Variants in CYP2C8 observed in about 807,000 individuals in gnomAD.
CYP2C8 encodes the protein cytochrome P450 2C8.
Under a neutral mutation model 41.3 loss-of-function variants are expected in CYP2C8, and 51 were observed. That is an observed-to-expected ratio of 1.24 (90% CI 0.99 to 1.56). CYP2C8 has a LOEUF of 1.56. Among genes scored for constraint, CYP2C8 ranks in the 40% most tolerant of loss-of-function variants. CYP2C8 has a pLI of 0.00. For missense variants in CYP2C8, 651 were observed against 579.9 expected (o/e 1.12, Z -1.26); for synonymous variants, 218 against 205.8 (o/e 1.06, Z -0.51).
rs774148619 is a variant in CYP2C8 at position 95,045,837 on chromosome 10, G to T, written c.934C>A (p.Leu312Ile). The T allele has an allele frequency of 4.1e-5, 66 of 1,613,914 alleles. No homozygotes were observed. Among genetic ancestry groups the T allele is most frequent in the Non-Finnish European group, 5.3e-5 (63 of 1,179,920 alleles). Residue 312 changes from leucine to isoleucine, a missense_variant, in exon 6 of 9, where the codon CTC (leucine) becomes ATC (isoleucine). Coordinates refer to ENST00000371270, the MANE Select transcript of CYP2C8 (RefSeq NM_000770.3). ...TSTTLRYGLL[L>I]LLKHPEVTAK... is the part of the protein sequence containing the mutation. ...GTGACCTCTGGGTGCTTCAGCAGGAGCAGGAGTCCATATCTCAGAGTGGTG... is the reference window on the plus strand; with the variant it reads ...GTGACCTCTGGGTGCTTCAGCAGGATCAGGAGTCCATATCTCAGAGTGGTG...
chr10:95,045,221 G>A (rs1891072), intron 6 of CYP2C8, among the ~76,000 whole-genome samples: 105,076 of 152,082 alleles, frequency 0.69, 37,077 homozygotes, highest in Middle Eastern at 0.84. Flanking sequence ...CCTTCCAAAT[G>A]TCCCTATTTG....
Position 95,064,856 on chromosome 10 carries a change from T to C in CYP2C8, c.586A>G (p.Thr196Ala). 1 of 1,613,966 alleles carries C rather than the reference T, an allele frequency of 6.2e-7. No homozygotes were observed. The highest frequency in any genetic ancestry group is 1.7e-5 in the Admixed American group (1 of 60,006). The change falls in exon 4 of 9, where the codon ACC becomes GCC. Residue 196 changes from threonine to alanine, a missense_variant. Coordinates refer to ENST00000371270, the MANE Select transcript of CYP2C8 (RefSeq NM_000770.3). The stretch of plus-strand genomic sequence containing the variant: ...TTTTCATTGAATCTTTTCATCAGGG[T>C]GAGAAAATTCTGATCTTTATAATCA... ...RFDYKDQNFL[T>A]LMKRFNENFR...
In CYP2C8 at chr10:95,063,159, G is replaced by C. The variant is rs1007347512; in HGVS notation, c.642+1641C>G. Among the ~76,000 whole-genome samples, 4 of 152,248 alleles carry C rather than the reference G, an allele frequency of 2.6e-5. No individual in the cohort carries two copies. The South Asian group carries it at 8.3e-4, about 32-fold the overall frequency. On this transcript the variant is annotated intron_variant, in intron 4 of 8. Transcript: ENST00000371270. ...AAGGAGTATCTTTGTGGCGTTCTCT[G>C]TATTTCCTGAATTTGAATGTTAGCC...
chr10:95,065,882 G>A (rs2033550551), intron 3 of CYP2C8, among the ~76,000 whole-genome samples: 1 of 152,102 alleles, frequency 6.6e-6, no homozygotes, highest in Non-Finnish European at 1.5e-5. Flanking sequence ...TGAAATTGCT[G>A]TAACCAAGTG....
chr10:95,061,423 T>C lies in CYP2C8; in HGVS notation c.643-2912A>G, dbSNP rs544496998. On this transcript the variant is annotated intron_variant, in intron 4 of 8. Transcript: ENST00000371270. The stretch of plus-strand genomic sequence containing the variant: ...ATTTCTTCTAGATTTTCTAATTTAC[T>C]TGTGTAGAGGTGTTTATAGTATGCT... Among the ~76,000 whole-genome samples the C allele has an allele frequency of 1.6e-4, 25 of 152,346 alleles. 1 individual carries two copies. Among genetic ancestry groups the C allele is most frequent in the Non-Finnish European group, 3.1e-4 (21 of 68,032 alleles).
intron 4 of CYP2C8, among the ~76,000 whole-genome samples, chr10:95,060,544 C>T (rs1386717054): frequency 6.6e-6 from 1 of 152,110 alleles, no homozygotes; most frequent in Non-Finnish European, 1.5e-5. Context: ...AGATTTTGGG[C>T]TGAGATGATG....
chr10:95,039,049 C>T lies in CYP2C8; in HGVS notation c.1150-11G>A, dbSNP rs893037895. 1 of 1,611,542 alleles carries T rather than the reference C, an allele frequency of 6.2e-7. No individual in the cohort carries two copies. The highest frequency in any genetic ancestry group is 1.3e-5 in the African/African-American group (1 of 74,812). On this transcript the variant is annotated splice_polypyrimidine_tract_variant and intron_variant, in intron 7 of 8. Coordinates refer to ENST00000371270, the MANE Select transcript of CYP2C8 (RefSeq NM_000770.3). Reference sequence around the variant, plus strand: ...CATTATGGTTGTGCCCTGGAAGTAACAAAACAGATAATCTGATTTATAAAG... The same window carrying T: ...CATTATGGTTGTGCCCTGGAAGTAATAAAACAGATAATCTGATTTATAAAG...
intron 7 of CYP2C8, chr10:95,040,945 T>C (rs555931580): frequency 2.2e-6 from 1 of 456,326 alleles, no homozygotes; most frequent in South Asian, 1.5e-5. Flanking sequence ...GCCAGCATTA[T>C]CTTGTTATCA....
chr10:95,069,392 A>G lies in CYP2C8; in HGVS notation c.11T>C (p.Phe4Ser), dbSNP rs1230631165. Reference protein sequence around the residue: MEPFVVLVLCLSFM... With the variant: MEPSVVLVLCLSFM... ...AGAGAGACACAGCACCAGGACCACA[A>G]AAGGTTCCATTGAAGCCTTCTCTTC... Residue 4 changes from phenylalanine to serine, a missense_variant, in exon 1 of 9, where the codon TTT (phenylalanine) becomes TCT (serine). Physicochemically the swap from Phe to Ser is radical, Grantham distance 155. Transcript: ENST00000371270. 3.7e-6 allele frequency: 6 copies of G among 1,614,010 alleles called. No individual in the cohort carries two copies. The highest frequency in any genetic ancestry group is 4.2e-6 in the Non-Finnish European group (5 of 1,179,992).
chr10:95,064,137 C>G (rs2033504273), intron 4 of CYP2C8, among the ~76,000 whole-genome samples: 1 of 152,166 alleles, frequency 6.6e-6, no homozygotes, highest in Non-Finnish European at 1.5e-5. Flanking sequence ...GCTGGGAGAA[C>G]CACTACTCTC....
intron 7 of CYP2C8, 123 bp downstream of exon 7, chr10:95,042,767 T>G: frequency 1.2e-6 from 1 of 838,108 alleles, no homozygotes; most frequent in Non-Finnish European, 2.1e-6. Flanking sequence ...AGAAAGTCCA[T>G]CAAGCTGCCA....
At chr10:95,065,257 T>C (rs2033537067) in intron 3 of CYP2C8, among the ~76,000 whole-genome samples, 1 of 152,250 alleles carries the variant, frequency 6.6e-6, no homozygotes, top group African/African-American at 2.4e-5. Flanking sequence ...AGAAGACTTT[T>C]TTGAAATCCT....
chr10:95,043,103 T>A, intron 6 of CYP2C8, 26 bp from the exon 7 acceptor site: 6 of 1,610,364 alleles, frequency 3.7e-6, no homozygotes, highest in Non-Finnish European at 5.1e-6. Flanking sequence ...AAAGAACTGA[T>A]GGAAACGAAG....
intron 7 of CYP2C8, among the ~76,000 whole-genome samples, chr10:95,042,403 TAAA>T (rs35525603): frequency 2.0e-5 from 3 of 151,326 alleles, no homozygotes; most frequent in Non-Finnish European, 2.9e-5. Flanking sequence ...TACAAAGAAA[TAAA>T]AAAAAATTAA....
intron 5 of CYP2C8, among the ~76,000 whole-genome samples, chr10:95,048,704 G>T (rs1190093774): frequency 3.9e-5 from 6 of 152,150 alleles, no homozygotes; most frequent in Non-Finnish European, 4.4e-5. Flanking sequence ...GGTGGTTCTT[G>T]CAGGAAAGAG....
At chr10:95,056,645 G>GA (rs2033320058) in intron 5 of CYP2C8, among the ~76,000 whole-genome samples, 1 of 152,054 alleles carries the variant, frequency 6.6e-6, no homozygotes, top group Non-Finnish European at 1.5e-5. Flanking sequence ...AAGAAGCCAG[G>GA]AAAAAAGATC....
chr10:95,047,125 C>G (rs924044389), intron 5 of CYP2C8, among the ~76,000 whole-genome samples: 2 of 152,178 alleles, frequency 1.3e-5, no homozygotes, highest in Non-Finnish European at 2.9e-5. Flanking sequence ...TTGCCTTCTG[C>G]TATGAGCAAA....
intron 3 of CYP2C8, among the ~76,000 whole-genome samples, chr10:95,066,338 T>C (rs552267548): frequency 2.4e-4 from 37 of 151,608 alleles, no homozygotes; most frequent in Non-Finnish European, 4.7e-4. Flanking sequence ...GGGAGAAAAA[T>C]GATTAGCACA....
At chr10:95,067,406 A>G in intron 2 of CYP2C8, 49 bp from the exon 3 acceptor site, 1 of 1,614,088 alleles carries the variant, frequency 6.2e-7, no homozygotes, top group Non-Finnish European at 8.5e-7. Flanking sequence ...CCAAGGAAGA[A>G]AGTGCTGCAA....
Sources: allele counts gnomAD v4.1 joint callset (sites outside exome capture counted in the v4.1 genomes callset), GRCh38; gene constraint gnomAD v4.1.1; transcripts MANE v1.5; gene names NCBI Gene and HGNC (gene_info 2026-07-23, HGNC 2026-07-21).